SAMTOR: variants seen among roughly 807,000 people sequenced by gnomAD.
SAMTOR encodes UPF0532 protein C7orf60.
chr7:112,846,145 C>CTTTTTTTTTTTTT, the SAMTOR span, among the ~76,000 whole-genome samples: 2 of 129,004 alleles, frequency 1.6e-5, no homozygotes, highest in South Asian at 2.6e-4. Context: ...ATCTGTACAA[C>CTTTTTTTTTTTTT]TTTTTTTTTT....
At chr7:112,920,892 A>G in the SAMTOR span, among the ~76,000 whole-genome samples, 1 of 152,200 alleles carries the variant, frequency 6.6e-6, no homozygotes, top group Non-Finnish European at 1.5e-5. Flanking sequence ...CTTACAAGGG[A>G]CATGAAGGAC....
At chr7:112,913,505 T>C in the SAMTOR span, among the ~76,000 whole-genome samples, 3 of 152,240 alleles carry the variant, frequency 2.0e-5, no homozygotes, top group Non-Finnish European at 4.4e-5. Flanking sequence ...CTATAGTCTG[T>C]TCTTAACACA....
At chr7:112,860,422 G>A in the SAMTOR span, among the ~76,000 whole-genome samples, 1 of 152,092 alleles carries the variant, frequency 6.6e-6, no homozygotes, top group Admixed American at 6.6e-5. Context: ...TGTTTGTTAA[G>A]GAGGAATAAC....
chr7:112,822,509 A>C, the SAMTOR span: 1 of 781,708 alleles, frequency 1.3e-6, no homozygotes, highest in African/African-American at 1.8e-5. Context: ...TAAATTATTA[A>C]ACTTGAACAG....
At chr7:112,849,979 G>C in the SAMTOR span, among the ~76,000 whole-genome samples, 2 of 152,116 alleles carry the variant, frequency 1.3e-5, no homozygotes, top group Non-Finnish European at 2.9e-5. Context: ...AGCCAAGATG[G>C]GTGGATCACC....
chr7:112,923,518 T>TA, the SAMTOR span, among the ~76,000 whole-genome samples: 5 of 150,798 alleles, frequency 3.3e-5, no homozygotes, highest in East Asian at 1.9e-4. Context: ...AAACAAAAAA[T>TA]AAAAAAAAAT....
the SAMTOR span, among the ~76,000 whole-genome samples, chr7:112,881,795 C>A: frequency 6.6e-6 from 1 of 152,186 alleles, no homozygotes. Context: ...ACCTTGCCCA[C>A]CCTCCAGCTG....
At chr7:112,903,298 G>A in the SAMTOR span, among the ~76,000 whole-genome samples, 1 of 150,102 alleles carries the variant, frequency 6.7e-6, no homozygotes, top group East Asian at 2.0e-4. Flanking sequence ...GGTAACAACA[G>A]CGAAACTGTC....
At chr7:112,904,575 C>A in the SAMTOR span, among the ~76,000 whole-genome samples, 5 of 148,986 alleles carry the variant, frequency 3.4e-5, no homozygotes, top group African/African-American at 1.2e-4. Context: ...TATATCAATA[C>A]AAACAAAAGA....
the SAMTOR span, among the ~76,000 whole-genome samples, chr7:112,901,428 A>T: frequency 6.6e-6 from 1 of 152,240 alleles, no homozygotes; most frequent in Non-Finnish European, 1.5e-5. Flanking sequence ...TATAACCCCC[A>T]GATGGGACTG....
At chr7:112,895,444 T>C in the SAMTOR span, 2 of 609,270 alleles carry the variant, frequency 3.3e-6, no homozygotes, top group East Asian at 6.0e-5. Context: ...CCTATCTGCA[T>C]TTCTCAGTCT....
the SAMTOR span, among the ~76,000 whole-genome samples, chr7:112,841,781 A>G: frequency 6.6e-6 from 1 of 152,156 alleles, no homozygotes; most frequent in African/African-American, 2.4e-5. Context: ...CCACACATCT[A>G]CAACCATCTG....
the SAMTOR span, among the ~76,000 whole-genome samples, chr7:112,848,022 G>A: frequency 6.6e-6 from 1 of 151,690 alleles, no homozygotes; most frequent in South Asian, 2.1e-4. Flanking sequence ...TCATGGTAGT[G>A]CATGCCTGTA....
the SAMTOR span, among the ~76,000 whole-genome samples, chr7:112,933,729 A>C: frequency 1.3e-5 from 2 of 152,182 alleles, no homozygotes. Flanking sequence ...CCTGAATTAG[A>C]ATCACATGAG....
At chr7:112,858,359 T>C in the SAMTOR span, among the ~76,000 whole-genome samples, 1 of 151,480 alleles carries the variant, frequency 6.6e-6, no homozygotes, top group Non-Finnish European at 1.5e-5. Context: ...CCACACTAGA[T>C]ACAGAATGTT....
chr7:112,857,746 T>C, the SAMTOR span, among the ~76,000 whole-genome samples: 4 of 152,210 alleles, frequency 2.6e-5, no homozygotes, highest in Non-Finnish European at 5.9e-5. Context: ...AAGAACTGTA[T>C]GCAATGGCCC....
At chr7:112,892,771 CAA>C in the SAMTOR span, among the ~76,000 whole-genome samples, 3 of 136,286 alleles carry the variant, frequency 2.2e-5, no homozygotes. Context: ...GACCCATCTC[CAA>C]AAAAAAAAAA....
chr7:112,905,641 T>G, the SAMTOR span, among the ~76,000 whole-genome samples: 1 of 152,154 alleles, frequency 6.6e-6, no homozygotes, highest in South Asian at 2.1e-4. Flanking sequence ...ACTAATATAA[T>G]TCACTATATT....
chr7:112,862,509 C>T, the SAMTOR span, among the ~76,000 whole-genome samples: 17 of 152,108 alleles, frequency 1.1e-4, no homozygotes, highest in Admixed American at 9.8e-4. Context: ...GGTGCCAGGC[C>T]TTGAGACGTA....
Sources: gnomAD v4.1 joint callset for allele counts (sites outside exome capture counted in the v4.1 genomes callset) on GRCh38, gnomAD v4.1.1 for gene constraint, MANE v1.5 for transcripts, NCBI Gene and HGNC (gene_info 2026-07-23, HGNC 2026-07-21) for gene names.